The following EYS variants were observed in gnomAD, a reference collection of about 807,000 sequenced individuals.
The protein encoded by EYS is EGF-like photoreceptor maintenance factor, also known as protein eyes shut homolog.
A neutral mutation model predicts 282.1 loss-of-function variants in EYS; 250 were observed. The observed-to-expected ratio is 0.89, with a 90% CI of 0.80 to 0.98. EYS has a LOEUF of 0.98. EYS is among the 50% of genes least tolerant of loss of function. The probability of loss-of-function intolerance (pLI) is 0.00; values close to 1 mark genes in which losing one functional copy is unlikely to be tolerated. For missense variants in EYS, 4,016 were observed against 3,709.0 expected, an observed-to-expected ratio of 1.08 and a Z score of -2.15; for synonymous variants, 1,355 against 1,282.9, an observed-to-expected ratio of 1.06 and a Z score of -1.20.
At chr6:65,065,290 A>C (rs1461247589) in intron 12 of EYS, among the ~76,000 whole-genome samples, 2 of 152,180 alleles carry the variant, frequency 1.3e-5, no homozygotes, top group Non-Finnish European at 2.9e-5. Flanking sequence ...CCAGATGATA[A>C]TCTGCTAATG....
chr6:64,199,134 C>A (rs1765386421), intron 31 of EYS, among the ~76,000 whole-genome samples: 1 of 151,996 alleles, frequency 6.6e-6, no homozygotes, highest in African/African-American at 2.4e-5. Context: ...CCAAGACAAC[C>A]CTAAGCAAAA....
intron 35 of EYS, among the ~76,000 whole-genome samples, chr6:63,930,663 T>C (rs1176647631): frequency 6.6e-6 from 1 of 152,088 alleles, no homozygotes; most frequent in Non-Finnish European, 1.5e-5. Context: ...AACACAAAGG[T>C]ATGTCAAAAC....
At chr6:64,390,774 G>A (rs927378370) in intron 28 of EYS, among the ~76,000 whole-genome samples, 3 of 149,508 alleles carry the variant, frequency 2.0e-5, no homozygotes, top group African/African-American at 7.5e-5. Flanking sequence ...GCTGGATGGA[G>A]AATGACTTTG....
chr6:65,484,479 C>T (rs1012248061), intron 5 of EYS, among the ~76,000 whole-genome samples: 2 of 152,104 alleles, frequency 1.3e-5, no homozygotes, highest in African/African-American at 4.8e-5. Context: ...TAATAACACA[C>T]CTCTCTTTTT....
chr6:64,987,871 C>A (rs1770914234), intron 14 of EYS, among the ~76,000 whole-genome samples: 1 of 151,194 alleles, frequency 6.6e-6, no homozygotes, highest in African/African-American at 2.4e-5. Context: ...CACTCTAAAC[C>A]CACATGTATG....
At position 65,434,539 on chromosome 6, in the gene EYS, T is replaced by C. The variant is rs571066115; in HGVS notation, c.863-29172A>G. 1.8e-3 allele frequency among the ~76,000 whole-genome samples: 276 copies of C among 152,162 alleles called. 2 individuals are homozygous for C. The highest frequency in any genetic ancestry group is 6.0e-3 in the Admixed American group (91 of 15,264). Reference sequence around the variant, plus strand: ...GTTTCACCATGTTAGCCAGGACGGTTTCGATCTCCTCACCTTGTGATCGGC... The same window carrying C: ...GTTTCACCATGTTAGCCAGGACGGTCTCGATCTCCTCACCTTGTGATCGGC... On this transcript the variant is annotated intron_variant, in intron 5 of 42. Coordinates refer to ENST00000503581, the MANE Select transcript of EYS (RefSeq NM_001142800.2).
chr6:64,049,219 C>T (rs1582199545), intron 33 of EYS, among the ~76,000 whole-genome samples: 1 of 152,274 alleles, frequency 6.6e-6, no homozygotes, highest in Admixed American at 6.5e-5. Flanking sequence ...ACAGTGTAAA[C>T]AGTCATGTAT....
intron 19 of EYS, among the ~76,000 whole-genome samples, chr6:64,864,597 G>A (rs79485148): frequency 0.15 from 23,110 of 149,724 alleles, 2,077 homozygotes; most frequent in East Asian, 0.48. Flanking sequence ...TGTTGGCTAC[G>A]ATAGTCTCGA....
chr6:65,707,152 G>A lies in EYS; in HGVS notation c.-465C>T, dbSNP rs1393775962. ...TAACTTACCCCAACCATTAGCCAAG[G>A]AGGCTTGCAACCCTAGGAGGCTTCT... On this transcript the variant is annotated 5_prime_UTR_variant, in exon 1 of 43. Transcript: ENST00000503581. 6.6e-6 allele frequency: 1 copy of A among 152,110 alleles called. No individual in the cohort carries two copies. The highest frequency in any genetic ancestry group is 2.4e-5 in the African/African-American group (1 of 41,436). 9.4% of individuals were successfully genotyped at this position (152,110 alleles called of 1,614,324 possible). A position where few individuals can be genotyped will look rare whatever the true frequency, so the allele number is the denominator to read the frequency against.
chr6:64,008,099 G>T (rs1467452306), intron 33 of EYS, among the ~76,000 whole-genome samples: 2 of 152,096 alleles, frequency 1.3e-5, no homozygotes, highest in African/African-American at 4.8e-5. Context: ...CACTATTGTT[G>T]TATGGTTATC....
At chr6:65,548,803 C>T (rs935087506) in intron 2 of EYS, among the ~76,000 whole-genome samples, 1 of 152,206 alleles carries the variant, frequency 6.6e-6, no homozygotes, top group Non-Finnish European at 1.5e-5. Flanking sequence ...AATACACAGA[C>T]AATTCAACTC....
chr6:65,574,275 AG>A (rs1764580589), intron 2 of EYS, among the ~76,000 whole-genome samples: 1 of 152,178 alleles, frequency 6.6e-6, no homozygotes, highest in Non-Finnish European at 1.5e-5. Context: ...GGAAAGTCAA[AG>A]GTCTCCAATC....
chr6:64,499,165 G>A (rs1776968668), intron 26 of EYS, among the ~76,000 whole-genome samples: 1 of 152,150 alleles, frequency 6.6e-6, no homozygotes. Context: ...TAACTGGCGT[G>A]AGATGGTATC....
chr6:64,513,698 T>C (rs1293552308), intron 26 of EYS, among the ~76,000 whole-genome samples: 2 of 151,818 alleles, frequency 1.3e-5, no homozygotes, highest in Non-Finnish European at 2.9e-5. Context: ...AAGAGAGATA[T>C]AGAGTGCAAA....
At chr6:64,451,028 G>C (rs745543563) in intron 26 of EYS, among the ~76,000 whole-genome samples, 5 of 152,130 alleles carry the variant, frequency 3.3e-5, no homozygotes, top group Admixed American at 6.5e-5. Flanking sequence ...GAAGGAAATA[G>C]AGACACAAAA....
At chr6:65,616,636 A>C (rs1312850796) in intron 2 of EYS, among the ~76,000 whole-genome samples, 4 of 151,806 alleles carry the variant, frequency 2.6e-5, no homozygotes, top group Non-Finnish European at 5.9e-5. Context: ...AAATACAAAA[A>C]TTTGCTGGGT....
chr6:63,777,894 A>T, intron 40 of EYS, 112 bp downstream of exon 40: 1 of 1,032,216 alleles, frequency 9.7e-7, no homozygotes, highest in Non-Finnish European at 1.4e-6. Context: ...AGAACATTTT[A>T]AATATGTGCA....
At chr6:63,796,710 C>T (rs1770653781) in intron 37 of EYS, among the ~76,000 whole-genome samples, 2 of 152,120 alleles carry the variant, frequency 1.3e-5, no homozygotes, top group Non-Finnish European at 2.9e-5. Context: ...TAATCTTGGA[C>T]ATTTTGCTAA....
chr6:64,540,783 C>T (rs1202899657), intron 26 of EYS, among the ~76,000 whole-genome samples: 1 of 152,170 alleles, frequency 6.6e-6, no homozygotes, highest in African/African-American at 2.4e-5. Context: ...CATGCCCAGC[C>T]TACAGGTTCT....
Sources: gnomAD v4.1 joint callset for allele counts (sites outside exome capture counted in the v4.1 genomes callset) on GRCh38, gnomAD v4.1.1 for gene constraint, MANE v1.5 for transcripts, NCBI Gene and HGNC (gene_info 2026-07-23, HGNC 2026-07-21) for gene names.